Variants in TSPEAR observed in about 807,000 individuals in gnomAD.
TSPEAR encodes thrombospondin-type laminin G domain and EAR repeat-containing protein.
In TSPEAR, 69 loss-of-function variants were observed where a neutral mutation model predicts 71.6. The ratio of observed to expected loss-of-function variants is 0.96; its 90% CI spans 0.79 to 1.18. The LOEUF is 1.18. TSPEAR is among the 50% of genes most tolerant of loss of function. The pLI, the probability that TSPEAR is intolerant of heterozygous loss-of-function variation, is 0.00. For synonymous variants in TSPEAR, 402 were observed against 387.2 expected (o/e 1.04, Z -0.45); for missense variants, 971 against 894.9 (o/e 1.09, Z -1.09).
chr21:44,684,712 G>T (rs561042875), intron 1 of TSPEAR, among the ~76,000 whole-genome samples: 2 of 151,736 alleles, frequency 1.3e-5, no homozygotes, highest in East Asian at 3.9e-4. Flanking sequence ...CAACGTGCAC[G>T]GATGTGCTTT....
At chr21:44,637,488 A>G (rs1313440449) in intron 1 of TSPEAR, 2 of 1,613,414 alleles carry the variant, frequency 1.2e-6, no homozygotes, top group Non-Finnish European at 1.7e-6. Flanking sequence ...GACTGCCCAG[A>G]GAGCTGCTGC....
intron 1 of TSPEAR, among the ~76,000 whole-genome samples, chr21:44,691,158 G>C: frequency 6.6e-6 from 1 of 150,518 alleles, no homozygotes; most frequent in East Asian, 2.0e-4. Context: ...GGTAACATCT[G>C]AAATGTCTCC....
intron 1 of TSPEAR, among the ~76,000 whole-genome samples, chr21:44,619,818 T>C (rs1292536984): frequency 1.3e-5 from 2 of 151,926 alleles, no homozygotes; most frequent in African/African-American, 4.8e-5. Context: ...GTCTGAGGAG[T>C]AGATGAGAAA....
intron 2 of TSPEAR, among the ~76,000 whole-genome samples, chr21:44,540,431 G>C (rs1022747294): frequency 1.3e-5 from 2 of 152,152 alleles, no homozygotes; most frequent in African/African-American, 4.8e-5. Flanking sequence ...GTGGATCCCT[G>C]GGGGCAAGAG....
chr21:44,604,043 A>G (rs1244018171), intron 1 of TSPEAR, among the ~76,000 whole-genome samples: 1 of 152,206 alleles, frequency 6.6e-6, no homozygotes, highest in Admixed American at 6.5e-5. Flanking sequence ...TTAGGGCCAC[A>G]TGATGAGTTT....
intron 1 of TSPEAR, among the ~76,000 whole-genome samples, chr21:44,669,300 G>A (rs1478448612): frequency 1.3e-5 from 2 of 152,198 alleles, no homozygotes; most frequent in Non-Finnish European, 2.9e-5. Flanking sequence ...GCACGTGCCT[G>A]TAGTCCCAGC....
At chr21:44,627,893 C>T in intron 1 of TSPEAR, 2 of 1,611,464 alleles carry the variant, frequency 1.2e-6, no homozygotes, top group African/African-American at 1.3e-5. Flanking sequence ...GTGTGCAGGC[C>T]CGCCTGCTGC....
At chr21:44,667,927 A>G (rs587631599) in intron 1 of TSPEAR, among the ~76,000 whole-genome samples, 1 of 152,360 alleles carries the variant, frequency 6.6e-6, no homozygotes, top group East Asian at 1.9e-4. Flanking sequence ...AACACAATAC[A>G]AGCCATACAT....
intron 1 of TSPEAR, among the ~76,000 whole-genome samples, chr21:44,617,240 G>A (rs587719848): frequency 6.6e-6 from 1 of 152,362 alleles, no homozygotes; most frequent in Non-Finnish European, 1.5e-5. Flanking sequence ...GGGACACTTG[G>A]GCTCCAGCTG....
chr21:44,558,197 G>A (rs782266874), intron 2 of TSPEAR: 3 of 1,554,272 alleles, frequency 1.9e-6, no homozygotes, highest in Middle Eastern at 3.4e-4. Flanking sequence ...AGGAGGGGAT[G>A]GGCACACAGC....
chr21:44,610,031 TG>T (rs57101136), intron 1 of TSPEAR, among the ~76,000 whole-genome samples: 1,798 of 152,218 alleles, frequency 0.012, 34 homozygotes, highest in African/African-American at 0.041. Flanking sequence ...GAAGAGCATC[TG>T]GGATGGGCCT....
chr21:44,639,732 A>G (rs587683595), intron 1 of TSPEAR, among the ~76,000 whole-genome samples: 2 of 152,122 alleles, frequency 1.3e-5, no homozygotes, highest in Non-Finnish European at 2.9e-5. Context: ...GTGCTCACTG[A>G]TGGCCACAGG....
Position 44,646,578 on chromosome 21 carries a change from C to T in TSPEAR, c.82+64855G>A, listed in dbSNP as rs73909207. 5.0e-3 allele frequency: 8,098 copies of T among 1,612,438 alleles called. 328 individuals are homozygous for T. The African/African-American group carries it at 0.089, about 18-fold the overall frequency. Reference sequence around the variant, plus strand: ...GCGCCCCCAGCTGCTGCGCCCCGGCCCCCTCCCTGAGCCTGGTCTGCACCC... The same window carrying T: ...GCGCCCCCAGCTGCTGCGCCCCGGCTCCCTCCCTGAGCCTGGTCTGCACCC... On this transcript the variant is annotated intron_variant, in intron 1 of 11. Coordinates refer to ENST00000323084, the MANE Select transcript of TSPEAR (RefSeq NM_144991.3).
At chr21:44,533,471 A>G (rs1436176936) in intron 3 of TSPEAR, among the ~76,000 whole-genome samples, 2 of 111,950 alleles carry the variant, frequency 1.8e-5, no homozygotes, top group African/African-American at 7.3e-5. Context: ...TCTCCACCCC[A>G]TGGCTCCTGT....
At chr21:44,517,343 C>T (rs2052606569) in intron 9 of TSPEAR, 1 of 163,150 alleles carries the variant, frequency 6.1e-6, no homozygotes, top group African/African-American at 2.4e-5. Flanking sequence ...TCCCACAGGT[C>T]TCAGACTGAC....
At chr21:44,629,429 G>A (rs1251248853) in intron 1 of TSPEAR, among the ~76,000 whole-genome samples, 1 of 152,206 alleles carries the variant, frequency 6.6e-6, no homozygotes. Flanking sequence ...TTACGGGGCT[G>A]TCCCTCTGTG....
chr21:44,695,268 C>T lies in TSPEAR; in HGVS notation c.82+16165G>A, dbSNP rs1274661557. On this transcript the variant is annotated intron_variant, in intron 1 of 11. Transcript: ENST00000323084. The surrounding 1 kb of genome is among the most constrained non-coding windows in gnomAD (Gnocchi z 4.5). Reference sequence around the variant, plus strand: ...GCACCTTTGCTCCCACTGGACTGGACGCTGTGCTGTCTCTCAGGTACGCAA... The same window carrying T: ...GCACCTTTGCTCCCACTGGACTGGATGCTGTGCTGTCTCTCAGGTACGCAA... Among the ~76,000 whole-genome samples, 7 of 152,326 alleles carry T rather than the reference C, an allele frequency of 4.6e-5. No individual in the cohort carries two copies. The highest frequency in any genetic ancestry group is 2.1e-4 in the South Asian group (1 of 4,822).
chr21:44,601,630 G>C lies in TSPEAR; in HGVS notation c.83-33625C>G, dbSNP rs782266609. 6.8e-6 allele frequency: 11 copies of C among 1,613,276 alleles called. No individual in the cohort carries two copies. The South Asian group carries it at 8.8e-5, about 13-fold the overall frequency. On this transcript the variant is annotated intron_variant, in intron 1 of 11. Transcript: ENST00000323084. ...CTGCGCCCCCACCTCCTCCTGCCAG[G>C]CCAGCTGCTGCCGCCCAGCCTCCTG...
chr21:44,562,226 T>G (rs2053645739), intron 2 of TSPEAR, among the ~76,000 whole-genome samples: 1 of 152,156 alleles, frequency 6.6e-6, no homozygotes, highest in African/African-American at 2.4e-5. Flanking sequence ...GAACTCCCAT[T>G]CACAATTGCT....
Sources: gnomAD v4.1 joint callset for allele counts (sites outside exome capture counted in the v4.1 genomes callset) on GRCh38, gnomAD v4.1.1 for gene constraint, Gnocchi (gnomAD v3.1) non-coding constraint, MANE v1.5 for transcripts, NCBI Gene and HGNC (gene_info 2026-07-23, HGNC 2026-07-21) for gene names.